Variants in RACGAP1 observed in about 807,000 individuals in gnomAD.
The protein encoded by RACGAP1 is Rac GTPase activating protein 1, also known as rac GTPase-activating protein 1.
A neutral mutation model predicts 78.1 loss-of-function variants in RACGAP1; 30 were observed. That is an observed-to-expected ratio of 0.38 (90% CI 0.29 to 0.52). The LOEUF (loss-of-function observed/expected upper bound fraction) is 0.52. Ranked by LOEUF, RACGAP1 falls within the 20% of genes least tolerant of loss-of-function variation. The pLI, the probability that RACGAP1 is intolerant of heterozygous loss-of-function variation, is 0.82. For synonymous variants in RACGAP1, 231 were observed against 264.8 expected (o/e 0.87, Z 1.24); for missense variants, 587 against 777.1 (o/e 0.76, Z 2.91).
intron 1 of RACGAP1, among the ~76,000 whole-genome samples, chr12:50,023,009 C>T (rs1050050003): frequency 1.3e-5 from 2 of 152,218 alleles, no homozygotes; most frequent in African/African-American, 2.4e-5. Context: ...AACATACTTA[C>T]ATATTTATTC....
In RACGAP1 at chr12:50,030,552, C is replaced by T. The variant is rs949552358; in HGVS notation, c.-24+1145G>A. 6.0e-5 allele frequency among the ~76,000 whole-genome samples: 9 copies of T among 150,944 alleles called. No individual in the cohort carries two copies. In the East Asian group the frequency reaches 8.0e-4, roughly 13 times the overall value. ...AAAAATACAAAAATCAGTCGGGCGT[C>T]GTGGCACATGCCTATAATCCCAGCT... On this transcript the variant is annotated intron_variant, in intron 2 of 3. Coordinates refer to the RACGAP1 transcript ENST00000548247.
intron 6 of RACGAP1, 96 bp downstream of exon 6, chr12:50,002,151 G>A (rs1194163793): frequency 3.7e-5 from 32 of 868,148 alleles, no homozygotes; most frequent in South Asian, 1.5e-5. Context: ...ACAATGGCTA[G>A]AGCAACATGA....
At chr12:50,028,149 ACTCT>A (rs1314500211), upstream of RACGAP1, among the ~76,000 whole-genome samples, 3 of 152,098 alleles carry the variant, frequency 2.0e-5, no homozygotes, top group South Asian at 2.1e-4. Context: ...GTAAAGGTAG[ACTCT>A]CTATTTAGGC....
At chr12:50,008,284 C>T (rs1160416807) in intron 2 of RACGAP1, among the ~76,000 whole-genome samples, 7 of 151,504 alleles carry the variant, frequency 4.6e-5, no homozygotes, top group African/African-American at 1.7e-4. Context: ...CTGCAATCTC[C>T]GCCTCCCAGG....
At chr12:50,022,238 T>C (rs1192277914) in intron 1 of RACGAP1, among the ~76,000 whole-genome samples, 2 of 152,248 alleles carry the variant, frequency 1.3e-5, no homozygotes, top group African/African-American at 4.8e-5. Context: ...AACATTCATT[T>C]AGCAGATACA....
rs896295608 is a variant in RACGAP1 at position 49,992,045 on chromosome 12, A to G, written c.1667T>C (p.Ile556Thr). Residue 556 changes from isoleucine to threonine, a missense_variant, in exon 15 of 17, where the codon ATT becomes ACT. Physicochemically the swap from Ile to Thr is moderately conservative, Grantham distance 89. Transcript: ENST00000312377. ...TGTTGAAAAGGCATTTGAGTTTTCA[A>G]TGACATGTAGGGGGTCAATGTTCTC... is the stretch of plus-strand genomic sequence containing the variant. The part of the protein sequence containing the change: ...EQENIDPLHV[I>T]ENSNAFSTPQ... 1.1e-5 allele frequency: 17 copies of G among 1,614,006 alleles called. No individual in the cohort carries two copies. The highest frequency in any genetic ancestry group is 1.7e-5 in the Admixed American group (1 of 59,968).
chr12:50,022,680 C>A (rs532646251), intron 1 of RACGAP1, among the ~76,000 whole-genome samples: 30 of 152,152 alleles, frequency 2.0e-4, no homozygotes, highest in African/African-American at 6.3e-4. Context: ...CTAATCTTTG[C>A]CCATTTTACA....
rs975040623 is a variant in RACGAP1 at position 49,994,431 on chromosome 12, G to A, written c.1123C>T (p.Gln375Ter). ...IVVHCVNEIE[Q>*]RGLTETGLYR... ...ACTCTTACCTCAGTCAGACCTCTTT[G>A]CTCAATCTCATTTACACAATGCACA... Residue 375 changes from glutamine to a stop codon, truncating the protein, a stop_gained, in exon 11 of 17, where the codon CAA (glutamine) becomes TAA (stop). Transcript: ENST00000312377. LOFTEE classifies it high-confidence loss of function. 5.0e-6 allele frequency: 8 copies of A among 1,613,956 alleles called. No homozygotes were observed. Among genetic ancestry groups the A allele is most frequent in the Non-Finnish European group, 6.8e-6 (8 of 1,180,000 alleles).
intron 2 of RACGAP1, among the ~76,000 whole-genome samples, chr12:50,016,104 G>A (rs922652391): frequency 5.9e-5 from 9 of 151,792 alleles, no homozygotes; most frequent in African/African-American, 7.3e-5. Context: ...AAAAGCAGCC[G>A]GGCACGGTGG....
intron 1 of RACGAP1, among the ~76,000 whole-genome samples, chr12:50,022,108 T>A (rs1950041256): frequency 6.6e-6 from 1 of 152,226 alleles, no homozygotes; most frequent in East Asian, 1.9e-4. Context: ...TACCTCTTTT[T>A]TTCCCTGTGA....
In RACGAP1 at chr12:50,004,206, G is replaced by T. The variant is rs913399853; in HGVS notation, c.495+29C>A. The T allele has an allele frequency of 6.3e-6, 10 of 1,587,906 alleles. No individual in the cohort carries two copies. The African/African-American group carries it at 1.1e-4, about 17-fold the overall frequency. On this transcript the variant is annotated intron_variant, in intron 5 of 16. Transcript: ENST00000312377. ...GGGGAAGCAGAGGTAAGAAAAGTAGGTAATTCTCAGAGATCAAATGTTTAT... is the reference window on the plus strand; with the variant it reads ...GGGGAAGCAGAGGTAAGAAAAGTAGTTAATTCTCAGAGATCAAATGTTTAT...
At chr12:50,000,167 C>T (rs531586149) in intron 7 of RACGAP1, among the ~76,000 whole-genome samples, 18 of 152,172 alleles carry the variant, frequency 1.2e-4, no homozygotes, top group African/African-American at 4.1e-4. Flanking sequence ...GCGTCTGCCA[C>T]CATGCCCAGC....
At chr12:50,025,238 C>T (rs1037215256) in intron 1 of RACGAP1, 160 bp downstream of exon 1, 21 of 927,514 alleles carry the variant, frequency 2.3e-5, no homozygotes, top group Non-Finnish European at 2.4e-5. Flanking sequence ...CCACGACCCC[C>T]ACCCCAGAAA....
intron 2 of RACGAP1, chr12:50,031,654 C>A (rs902771629): frequency 1.0e-6 from 1 of 983,788 alleles, no homozygotes; most frequent in East Asian, 1.1e-4. Flanking sequence ...TCCGGAACTT[C>A]CCGAACTTCC....
chr12:50,021,182 T>C, intron 1 of RACGAP1: 1 of 938,838 alleles, frequency 1.1e-6, no homozygotes, highest in East Asian at 1.2e-4. Flanking sequence ...GATACACTAA[T>C]GTGAAAGGAA....
chr12:50,005,114 C>A, intron 4 of RACGAP1, 142 bp downstream of exon 4: 1 of 1,170,964 alleles, frequency 8.5e-7, no homozygotes, highest in Non-Finnish European at 1.2e-6. Flanking sequence ...GCCTTTATTC[C>A]CCACCTACTC....
At chr12:49,994,786 T>C (rs529309746) in intron 10 of RACGAP1, among the ~76,000 whole-genome samples, 6 of 152,180 alleles carry the variant, frequency 3.9e-5, no homozygotes, top group Non-Finnish European at 5.9e-5. Flanking sequence ...CCAGCTATAA[T>C]TACCTCCTTC....
At chr12:50,003,052 A>G (rs7974962) in intron 5 of RACGAP1, among the ~76,000 whole-genome samples, 10,544 of 150,850 alleles carry the variant, frequency 0.07, 1,276 homozygotes, top group African/African-American at 0.24. Flanking sequence ...AAAGTTCTAC[A>G]GTTTAGGAAC....
rs1008418404 is a variant in RACGAP1 at position 49,999,795 on chromosome 12, G to A, written c.631-62C>T. The A allele has an allele frequency of 4.5e-6, 6 of 1,325,014 alleles. No individual in the cohort carries two copies. The Admixed American group carries it at 1.0e-4, about 22-fold the overall frequency. The allele number at this position is 1,325,014 out of a possible 1,614,324, so 82.1% of individuals were successfully genotyped here. A position where few individuals can be genotyped will look rare whatever the true frequency, so the allele number is the denominator to read the frequency against. ...GAATCTAACTTACCCTCCACTATAGGGTATTTTGGAGCAGGTAAAAAATTC... is the reference window on the plus strand; with the variant it reads ...GAATCTAACTTACCCTCCACTATAGAGTATTTTGGAGCAGGTAAAAAATTC... On this transcript the variant is annotated intron_variant, in intron 7 of 16. Transcript: ENST00000312377.
Sources: gnomAD v4.1 joint callset for allele counts (sites outside exome capture counted in the v4.1 genomes callset) on GRCh38, gnomAD v4.1.1 for gene constraint, MANE v1.5 for transcripts, NCBI Gene and HGNC (gene_info 2026-07-23, HGNC 2026-07-21) for gene names.